TJP1: variants seen among roughly 807,000 people sequenced by gnomAD.
TJP1 encodes tight junction protein 1, also known as tight junction protein ZO-1.
Under a neutral mutation model 194.2 loss-of-function variants are expected in TJP1, and 43 were observed. The ratio of observed to expected loss-of-function variants is 0.22; its 90% CI spans 0.17 to 0.29. The LOEUF is 0.29. Among genes scored for constraint, TJP1 ranks in the 10% least tolerant of loss-of-function variants. TJP1 has a pLI of 1.00. For missense variants in TJP1, 1,971 were observed against 2,185.7 expected (o/e 0.90, Z 1.96); for synonymous variants, 801 against 779.0 (o/e 1.03, Z -0.47).
intron 2 of TJP1, among the ~76,000 whole-genome samples, chr15:29,878,736 G>A (rs756853381): frequency 6.6e-6 from 1 of 152,178 alleles, no homozygotes; most frequent in African/African-American, 2.4e-5. Context: ...ATATGTATCT[G>A]TTAGCCATTC....
Position 29,804,679 on chromosome 15 carries a change from T to C in TJP1, c.28-3977A>G, listed in dbSNP as rs371267517. ...TATTTTTAAAACTTAATATCCTTAT[T>C]GTAAACTTGCTTGTCATTTTCTCAT... On this transcript the variant is annotated intron_variant, in intron 1 of 27. Transcript: ENST00000614355. Among the ~76,000 whole-genome samples the C allele has an allele frequency of 5.3e-5, 8 of 152,298 alleles. No individual in the cohort carries two copies. The South Asian group carries it at 6.2e-4, about 12-fold the overall frequency.
intron 8 of TJP1, among the ~76,000 whole-genome samples, chr15:29,745,302 G>GAA (rs55694243): frequency 0.65 from 87,860 of 135,690 alleles, 30,066 homozygotes; most frequent in Non-Finnish European, 0.76. Context: ...CCAAAATATT[G>GAA]AAAAAAAAAA....
At chr15:29,828,244 C>T (rs1006424029) in intron 2 of TJP1, among the ~76,000 whole-genome samples, 10 of 151,908 alleles carry the variant, frequency 6.6e-5, no homozygotes, top group Admixed American at 5.9e-4. Flanking sequence ...ATTTATATTC[C>T]ATAACTTTTT....
At chr15:29,950,065 C>A (rs889783350) in intron 2 of TJP1, among the ~76,000 whole-genome samples, 8 of 55,280 alleles carry the variant, frequency 1.4e-4, no homozygotes, top group Non-Finnish European at 2.3e-4. Flanking sequence ...CCTCCACCAC[C>A]ACCACCTCCA....
intron 2 of TJP1, among the ~76,000 whole-genome samples, chr15:29,941,541 A>G (rs934122763): frequency 6.6e-6 from 1 of 152,004 alleles, no homozygotes; most frequent in African/African-American, 2.4e-5. Flanking sequence ...AGTTTCCTTC[A>G]ACCAGCTGGT....
chr15:29,962,518 T>C (rs988952428), intron 1 of TJP1, among the ~76,000 whole-genome samples: 4 of 152,200 alleles, frequency 2.6e-5, no homozygotes, highest in Admixed American at 2.6e-4. Context: ...TGTTTTAAGA[T>C]ACCAGCAACT....
intron 2 of TJP1, among the ~76,000 whole-genome samples, chr15:29,945,427 CT>C (rs2055241552): frequency 6.6e-6 from 1 of 152,204 alleles, no homozygotes; most frequent in Non-Finnish European, 1.5e-5. Context: ...GAAGCTGAAA[CT>C]GCCCTACAAA....
chr15:29,860,521 C>A (rs1184360023), intron 2 of TJP1, among the ~76,000 whole-genome samples: 2 of 152,172 alleles, frequency 1.3e-5, no homozygotes, highest in Non-Finnish European at 2.9e-5. Context: ...TGGAATGATA[C>A]AATATGTGGC....
At chr15:29,826,094 CCA>C (rs1383841438), upstream of TJP1, among the ~76,000 whole-genome samples, 3 of 150,584 alleles carry the variant, frequency 2.0e-5, no homozygotes, top group African/African-American at 7.3e-5. Context: ...GTACATATTA[CCA>C]CAGTTTAGAA....
At chr15:29,761,063 T>C (rs1429272278) in intron 8 of TJP1, 76 bp downstream of exon 8, 19 of 1,428,622 alleles carry the variant, frequency 1.3e-5, no homozygotes, top group Non-Finnish European at 1.8e-5. Context: ...CTTTTAATTT[T>C]ATTTGTAAGC....
chr15:29,968,103 A>G (rs2056391713), intron 1 of TJP1: 1 of 985,330 alleles, frequency 1.0e-6, no homozygotes, highest in East Asian at 1.1e-4. Flanking sequence ...TCATTACCTC[A>G]GTAACAGTTT....
chr15:29,910,832 A>G (rs1425425480), intron 2 of TJP1, among the ~76,000 whole-genome samples: 2 of 152,234 alleles, frequency 1.3e-5, no homozygotes, highest in African/African-American at 4.8e-5. Context: ...TGTCAATTAT[A>G]TGTGATGGGG....
At chr15:29,747,057 G>A (rs915380010) in intron 8 of TJP1, among the ~76,000 whole-genome samples, 1 of 152,084 alleles carries the variant, frequency 6.6e-6, no homozygotes, top group Non-Finnish European at 1.5e-5. Context: ...GGCCGAGGTC[G>A]GTGGATCACC....
At chr15:29,871,260 A>C (rs1173398084) in intron 2 of TJP1, among the ~76,000 whole-genome samples, 1 of 152,224 alleles carries the variant, frequency 6.6e-6, no homozygotes, top group African/African-American at 2.4e-5. Flanking sequence ...GAGACCTCAA[A>C]AATTCTGAGA....
At position 29,726,923 on chromosome 15, in the gene TJP1, T is replaced by C; in HGVS notation, c.2169A>G (p.Pro723=). 6.2e-7 allele frequency: 1 copy of C among 1,614,208 alleles called. No individual in the cohort carries two copies. The highest frequency in any genetic ancestry group is 1.1e-5 in the South Asian group (1 of 91,088). ...VDRLNYAQWY[P]IVVFLNPDSK... ...AATCAGGGTTAAGAAATACAACAATTGGATACCACTGGGCATAGTTAAGAC... is the reference window on the plus strand; with the variant it reads ...AATCAGGGTTAAGAAATACAACAATCGGATACCACTGGGCATAGTTAAGAC... The change falls in exon 17 of 28, where the codon CCA becomes CCG. Residue 723 remains proline, a synonymous_variant. Transcript: ENST00000614355.
chr15:29,783,173 C>G (rs1356551598), intron 2 of TJP1, among the ~76,000 whole-genome samples: 1 of 152,054 alleles, frequency 6.6e-6, no homozygotes, highest in Non-Finnish European at 1.5e-5. Flanking sequence ...ATTCAGGAGG[C>G]TGAGGCAGGA....
intron 1 of TJP1, among the ~76,000 whole-genome samples, chr15:29,809,862 A>G (rs879001363): frequency 6.6e-6 from 1 of 151,630 alleles, no homozygotes; most frequent in Non-Finnish European, 1.5e-5. Flanking sequence ...AAAAAAAACC[A>G]AACACTTAAG....
At chr15:29,924,922 G>T (rs1440476743) in intron 2 of TJP1, among the ~76,000 whole-genome samples, 1 of 152,190 alleles carries the variant, frequency 6.6e-6, no homozygotes, top group Non-Finnish European at 1.5e-5. Flanking sequence ...AAATTCCAAG[G>T]TACTTAGCTT....
At chr15:29,925,767 A>G (rs1024562346) in intron 2 of TJP1, among the ~76,000 whole-genome samples, 1 of 152,172 alleles carries the variant, frequency 6.6e-6, no homozygotes, top group Non-Finnish European at 1.5e-5. Flanking sequence ...AGGATATTTC[A>G]CAGACCATAA....
Sources: gnomAD v4.1 joint callset for allele counts (sites outside exome capture counted in the v4.1 genomes callset) on GRCh38, gnomAD v4.1.1 for gene constraint, MANE v1.5 for transcripts, NCBI Gene and HGNC (gene_info 2026-07-23, HGNC 2026-07-21) for gene names.